SLC37A1: variants seen among roughly 807,000 people sequenced by gnomAD.
SLC37A1 encodes solute carrier family 37 member 1.
SLC37A1 carries 49 observed loss-of-function variants against 75.3 expected under a neutral mutation model. That is an observed-to-expected ratio of 0.65 (90% CI 0.52 to 0.83). The LOEUF (loss-of-function observed/expected upper bound fraction) is 0.83, where lower values mean the gene tolerates loss of function less well. Ranked by LOEUF, SLC37A1 falls within the 40% of genes least tolerant of loss-of-function variation. SLC37A1 has a pLI of 0.00. For missense variants in SLC37A1, 566 were observed against 695.0 expected, an observed-to-expected ratio of 0.81 and a Z score of 2.09; for synonymous variants, 268 against 292.1, an observed-to-expected ratio of 0.92 and a Z score of 0.84.
chr21:42,537,138 T>C (rs1332994053), intron 5 of SLC37A1, among the ~76,000 whole-genome samples: 1 of 152,230 alleles, frequency 6.6e-6, no homozygotes, highest in African/African-American at 2.4e-5. Context: ...AGGCAGGCAG[T>C]GTCTGCTGTT....
At chr21:42,558,570 T>C (rs1426353727) in intron 10 of SLC37A1, among the ~76,000 whole-genome samples, 2 of 152,256 alleles carry the variant, frequency 1.3e-5, no homozygotes, top group African/African-American at 4.8e-5. Flanking sequence ...TAATGTGTCA[T>C]AAGCATTTTC....
At chr21:42,515,119 G>A (rs1380250963) in intron 1 of SLC37A1, among the ~76,000 whole-genome samples, 1 of 152,176 alleles carries the variant, frequency 6.6e-6, no homozygotes, top group East Asian at 1.9e-4. Context: ...AGGCAGGTAA[G>A]GGAGGTGGTG....
chr21:42,504,955 G>A (rs1568975074), intron 2 of SLC37A1, among the ~76,000 whole-genome samples: 1 of 152,106 alleles, frequency 6.6e-6, no homozygotes, highest in Non-Finnish European at 1.5e-5. Flanking sequence ...AAATCCTGGA[G>A]AGTCTTCCTT....
At chr21:42,551,413 TAGAA>T (rs2055553703) in intron 9 of SLC37A1, among the ~76,000 whole-genome samples, 2 of 152,232 alleles carry the variant, frequency 1.3e-5, no homozygotes, top group South Asian at 2.1e-4. Flanking sequence ...AACCTAGAGA[TAGAA>T]AGAAGATGAG....
chr21:42,531,859 C>T (rs2054990744), intron 3 of SLC37A1, among the ~76,000 whole-genome samples: 1 of 152,204 alleles, frequency 6.6e-6, no homozygotes, highest in Admixed American at 6.5e-5. Context: ...ATCTCGATGG[C>T]TTTGGCAGCA....
rs1391643391 is a variant in SLC37A1 at position 42,563,857 on chromosome 21, T to A, written c.1115T>A (p.Phe372Tyr). 6 of 1,614,216 alleles carry A rather than the reference T, an allele frequency of 3.7e-6. No homozygotes were observed. The highest frequency in any genetic ancestry group is 5.1e-6 in the Non-Finnish European group (6 of 1,180,026). Residue 372 changes from phenylalanine to tyrosine, a missense_variant, in exon 13 of 20, where the codon TTT becomes TAT. By Grantham distance (22) the Phe-to-Tyr change is conservative. Transcript: ENST00000352133. ...AKKAGELSTL[F>Y]DVGGIFGGIL... is the part of the protein sequence containing the mutation. ...AAGGCGGGGGAGCTCTCCACCCTGT[T>A]TGACGTGGGCGGAATCTTTGGTGAG... is the stretch of plus-strand genomic sequence containing the variant.
In SLC37A1 at chr21:42,579,936, ACT is replaced by A. The variant is rs964988241; in HGVS notation, c.1586+140_1586+141del. ...TATCTTTTCACGGCACGCCACCTTC[ACT>A]CTCACTTTTTCTTTTCTAATAAATA... On this transcript the variant is annotated intron_variant, in intron 19 of 19. Coordinates refer to ENST00000352133, the MANE Select transcript of SLC37A1 (RefSeq NM_001320537.2). 19 of 777,966 alleles carry A rather than the reference ACT, an allele frequency of 2.4e-5. No homozygotes were observed. In the African/African-American group the frequency reaches 2.8e-4, roughly 11 times the overall value. The allele number at this position is 777,966 out of a possible 1,614,324, so 48.2% of individuals were successfully genotyped here.
intron 6 of SLC37A1, among the ~76,000 whole-genome samples, chr21:42,540,929 G>A (rs1307317512): frequency 6.6e-6 from 1 of 152,200 alleles, no homozygotes; most frequent in Non-Finnish European, 1.5e-5. Flanking sequence ...TGAAGGCCCA[G>A]CCCGGTCAGC....
chr21:42,553,726 A>C (rs1336001506), intron 9 of SLC37A1, among the ~76,000 whole-genome samples: 1 of 151,730 alleles, frequency 6.6e-6, no homozygotes, highest in Non-Finnish European at 1.5e-5. Context: ...TGTTCCTCAC[A>C]TGTTAAAGGG....
At chr21:42,558,831 A>T (rs1206653809) in intron 10 of SLC37A1, 127 bp from the exon 11 acceptor site, 2 of 1,139,798 alleles carry the variant, frequency 1.8e-6, no homozygotes, top group Non-Finnish European at 2.5e-6. Flanking sequence ...GTCACCCAGG[A>T]TGTCTCCAAG....
At chr21:42,562,752 G>A (rs895156610) in intron 12 of SLC37A1, among the ~76,000 whole-genome samples, 3 of 145,932 alleles carry the variant, frequency 2.1e-5, no homozygotes, top group African/African-American at 7.6e-5. Flanking sequence ...GCCGTTGAGT[G>A]GGGAAATTGG....
intron 14 of SLC37A1, among the ~76,000 whole-genome samples, chr21:42,565,575 G>C (rs1342576445): frequency 6.6e-6 from 1 of 152,206 alleles, no homozygotes; most frequent in African/African-American, 2.4e-5. Context: ...CCCTTGGCTG[G>C]GGGTGTAAGG....
At chr21:42,577,915 A>G (rs2056341322) in intron 18 of SLC37A1, among the ~76,000 whole-genome samples, 1 of 152,262 alleles carries the variant, frequency 6.6e-6, no homozygotes, top group Non-Finnish European at 1.5e-5. Context: ...GTTGGAAGAA[A>G]GAGACCTAAA....
intron 3 of SLC37A1, among the ~76,000 whole-genome samples, chr21:42,526,991 C>T (rs775277637): frequency 6.6e-6 from 1 of 152,082 alleles, no homozygotes; most frequent in Non-Finnish European, 1.5e-5. Context: ...ACAAACAGCT[C>T]AAGAAAATGG....
chr21:42,524,933 G>T (rs1173438575), intron 2 of SLC37A1, among the ~76,000 whole-genome samples: 1 of 152,204 alleles, frequency 6.6e-6, no homozygotes, highest in Non-Finnish European at 1.5e-5. Context: ...GTGATTAGAG[G>T]TTGGGACTCC....
At chr21:42,517,072 C>A (rs149751422) in intron 1 of SLC37A1, among the ~76,000 whole-genome samples, 8 of 152,322 alleles carry the variant, frequency 5.3e-5, no homozygotes, top group African/African-American at 1.9e-4. Flanking sequence ...GGAAGTAGGA[C>A]CTTGCCCTGC....
intron 16 of SLC37A1, 44 bp downstream of exon 16, chr21:42,567,102 C>T: frequency 6.3e-7 from 1 of 1,596,890 alleles, no homozygotes; most frequent in Non-Finnish European, 8.5e-7. Context: ...GGCACCCTGC[C>T]ATGTGCCATT....
chr21:42,575,347 G>A, intron 18 of SLC37A1: 1 of 985,488 alleles, frequency 1.0e-6, no homozygotes, highest in Non-Finnish European at 1.2e-6. Context: ...CAGTGTCCTG[G>A]TGTCCCTCCT....
chr21:42,509,878 A>G (rs2054418774), upstream of SLC37A1, among the ~76,000 whole-genome samples: 1 of 152,102 alleles, frequency 6.6e-6, no homozygotes, highest in Non-Finnish European at 1.5e-5. This position sits in a 1 kb window ranked among gnomAD's most constrained non-coding sequence, Gnocchi z 4.2. Flanking sequence ...AGCATGAGGT[A>G]TTTTCTTGAG....
Sources: allele counts gnomAD v4.1 joint callset (sites outside exome capture counted in the v4.1 genomes callset), GRCh38; gene constraint gnomAD v4.1.1; non-coding constraint Gnocchi (gnomAD v3.1); transcripts MANE v1.5; gene names NCBI Gene and HGNC (gene_info 2026-07-23, HGNC 2026-07-21).